The following VPS13B variants were observed in gnomAD, a reference collection of about 807,000 sequenced individuals.
The protein encoded by VPS13B is vacuolar protein sorting 13 homolog B, also known as intermembrane lipid transfer protein VPS13B.
In VPS13B, 285 loss-of-function variants were observed where a neutral mutation model predicts 426.4. That is an observed-to-expected ratio of 0.67 (90% CI 0.61 to 0.74). The LOEUF (loss-of-function observed/expected upper bound fraction) is 0.74. VPS13B is among the 30% of genes least tolerant of loss of function. The pLI is 0.00. For synonymous variants in VPS13B, 1,676 were observed against 1,676.4 expected (o/e 1.00, Z 0.01); for missense variants, 4,537 against 4,782.6 (o/e 0.95, Z 1.51).
chr8:99,645,244 C>T (rs1046605955), intron 34 of VPS13B, among the ~76,000 whole-genome samples: 14 of 152,140 alleles, frequency 9.2e-5, no homozygotes, highest in Admixed American at 9.2e-4. Context: ...AACCTGGGTT[C>T]AAATTCTGTC....
At chr8:99,151,882 T>C (rs1811098651) in intron 14 of VPS13B, among the ~76,000 whole-genome samples, 1 of 152,190 alleles carries the variant, frequency 6.6e-6, no homozygotes, top group Non-Finnish European at 1.5e-5. Context: ...TTGGGATTTG[T>C]AACAATGTTC....
chr8:99,619,580 A>C lies in VPS13B; in HGVS notation c.5221-22231A>C, dbSNP rs559194922. On this transcript the variant is annotated intron_variant, in intron 33 of 61. Transcript: ENST00000357162. ...CCACAATTTTATAATGATTAAAAAT[A>C]ATGTAGTCTGGCCAGGTATGGGAGT... Among the ~76,000 whole-genome samples the C allele has an allele frequency of 1.8e-4, 28 of 152,316 alleles. 1 individual carries two copies. Among genetic ancestry groups the C allele is most frequent in the African/African-American group, 6.7e-4 (28 of 41,568 alleles).
At chr8:99,049,039 G>C (rs564784798) in intron 3 of VPS13B, among the ~76,000 whole-genome samples, 1 of 152,070 alleles carries the variant, frequency 6.6e-6, no homozygotes, top group African/African-American at 2.4e-5. Flanking sequence ...TTTACCTTAA[G>C]TTTATGTGAG....
At chr8:99,407,810 C>T (rs1327025116) in intron 21 of VPS13B, among the ~76,000 whole-genome samples, 1 of 152,146 alleles carries the variant, frequency 6.6e-6, no homozygotes, top group Non-Finnish European at 1.5e-5. Context: ...GCCACATCAA[C>T]AGAATGTAAG....
chr8:99,349,441 C>T (rs931498491), intron 19 of VPS13B, among the ~76,000 whole-genome samples: 1 of 151,066 alleles, frequency 6.6e-6, no homozygotes, highest in African/African-American at 2.4e-5. Flanking sequence ...CACAAATGTA[C>T]CAAAAACTAA....
chr8:99,146,884 A>G (rs1810761267), intron 13 of VPS13B, among the ~76,000 whole-genome samples: 1 of 151,968 alleles, frequency 6.6e-6, no homozygotes, highest in South Asian at 2.1e-4. Context: ...CTCTTTTAAT[A>G]TAGATCTATT....
intron 19 of VPS13B, among the ~76,000 whole-genome samples, chr8:99,372,238 A>G (rs1160589123): frequency 6.8e-6 from 1 of 146,310 alleles, no homozygotes; most frequent in Admixed American, 6.9e-5. Flanking sequence ...GGCGACAGCG[A>G]GACTCCGTCT....
chr8:99,048,780 A>C (rs1351701651), intron 3 of VPS13B, among the ~76,000 whole-genome samples: 2 of 149,842 alleles, frequency 1.3e-5, no homozygotes, highest in Non-Finnish European at 3.0e-5. Context: ...AAGCCACTGC[A>C]CTCCAGGTTG....
intron 56 of VPS13B, among the ~76,000 whole-genome samples, chr8:99,855,679 A>G (rs1816510728): frequency 6.6e-6 from 1 of 152,164 alleles, no homozygotes; most frequent in African/African-American, 2.4e-5. Context: ...GCAGCAGTAA[A>G]CGACCTGTGT....
intron 39 of VPS13B, among the ~76,000 whole-genome samples, chr8:99,760,112 G>T (rs1810852802): frequency 6.6e-6 from 1 of 151,734 alleles, no homozygotes; most frequent in African/African-American, 2.4e-5. Flanking sequence ...AAGTAGGTGG[G>T]ATTATAGGCG....
intron 19 of VPS13B, among the ~76,000 whole-genome samples, chr8:99,306,402 G>A (rs1820639353): frequency 6.6e-6 from 1 of 152,030 alleles, no homozygotes; most frequent in East Asian, 1.9e-4. Context: ...AAATAATGCT[G>A]TTTGGGGGAA....
At chr8:99,749,659 T>C (rs562215535) in intron 39 of VPS13B, among the ~76,000 whole-genome samples, 1 of 152,276 alleles carries the variant, frequency 6.6e-6, no homozygotes, top group African/African-American at 2.4e-5. Flanking sequence ...ACACTTGGGT[T>C]GCTTCCAAAT....
chr8:99,040,847 A>G (rs1460550283), intron 3 of VPS13B, among the ~76,000 whole-genome samples: 2 of 152,168 alleles, frequency 1.3e-5, no homozygotes, highest in Non-Finnish European at 2.9e-5. Context: ...TATGAGGCTT[A>G]AATCAGATAA....
intron 2 of VPS13B, among the ~76,000 whole-genome samples, chr8:99,034,235 C>A (rs1430669035): frequency 6.6e-6 from 1 of 152,082 alleles, no homozygotes; most frequent in Non-Finnish European, 1.5e-5. Context: ...AAAACAAATT[C>A]TCTTTTCTAT....
chr8:99,639,904 G>T (rs1464574843), intron 33 of VPS13B, among the ~76,000 whole-genome samples: 2 of 148,374 alleles, frequency 1.3e-5, no homozygotes, highest in African/African-American at 4.9e-5. Context: ...CACCACTGAG[G>T]GGTTGTAGGC....
At chr8:99,366,987 T>G (rs1017791995) in intron 19 of VPS13B, among the ~76,000 whole-genome samples, 13 of 152,218 alleles carry the variant, frequency 8.5e-5, no homozygotes, top group African/African-American at 3.1e-4. Flanking sequence ...GTAGTTATTG[T>G]CCTAGATTGG....
chr8:99,791,278 C>T (rs771006462), intron 43 of VPS13B, among the ~76,000 whole-genome samples: 53 of 152,072 alleles, frequency 3.5e-4, no homozygotes, highest in Non-Finnish European at 3.2e-4. Context: ...GGTGTAAATA[C>T]TCCAAAGCTT....
At chr8:99,323,752 G>T (rs1409967130) in intron 19 of VPS13B, among the ~76,000 whole-genome samples, 1 of 152,118 alleles carries the variant, frequency 6.6e-6, no homozygotes, top group Admixed American at 6.6e-5. Context: ...CCCCAATAAG[G>T]TTGTTGTTCT....
At chr8:99,067,283 C>T (rs1844579005) in intron 3 of VPS13B, among the ~76,000 whole-genome samples, 1 of 152,100 alleles carries the variant, frequency 6.6e-6, no homozygotes, top group Non-Finnish European at 1.5e-5. Context: ...GAAAATGTGG[C>T]ACATATACAC....
Sources: gnomAD v4.1 joint callset for allele counts (sites outside exome capture counted in the v4.1 genomes callset) on GRCh38, gnomAD v4.1.1 for gene constraint, MANE v1.5 for transcripts, NCBI Gene and HGNC (gene_info 2026-07-23, HGNC 2026-07-21) for gene names.